The following OLA1 variants were observed in gnomAD, a reference collection of about 807,000 sequenced individuals.
OLA1 encodes Obg like ATPase 1.
In OLA1, 14 loss-of-function variants were observed where a neutral mutation model predicts 48.4. The observed-to-expected ratio is 0.29, with a 90% CI of 0.19 to 0.45. The LOEUF (loss-of-function observed/expected upper bound fraction) is 0.45. OLA1 is among the 20% of genes least tolerant of loss of function. OLA1 has a pLI of 1.00. For missense variants in OLA1, 325 were observed against 467.1 expected (o/e 0.70, Z 2.80); for synonymous variants, 127 against 150.4 (o/e 0.84, Z 1.14).
chr2:174,243,632 A>T (rs558926777), intron 2 of OLA1, among the ~76,000 whole-genome samples: 2 of 152,332 alleles, frequency 1.3e-5, no homozygotes, highest in South Asian at 4.1e-4. Flanking sequence ...GAACGAGACA[A>T]TCGGTACCTT....
intron 4 of OLA1, among the ~76,000 whole-genome samples, chr2:174,212,365 T>G (rs1308596139): frequency 1.3e-5 from 2 of 152,252 alleles, no homozygotes; most frequent in African/African-American, 4.8e-5. Context: ...ATAGGGCACT[T>G]GCCATGAATG....
Position 174,116,733 on chromosome 2 carries a change from T to C in OLA1, c.728+6447A>G, listed in dbSNP as rs531472687. Among the ~76,000 whole-genome samples, 11 of 152,296 alleles carry C rather than the reference T, an allele frequency of 7.2e-5. No individual in the cohort carries two copies. In the East Asian group the frequency reaches 1.9e-3, roughly 27 times the overall value. ...TTCTTTATGAATTCATTACACTTCA[T>C]TAAAATCATAAAATTCTAGCCCTGG... On this transcript the variant is annotated intron_variant, in intron 7 of 10. Transcript: ENST00000284719.
intron 5 of OLA1, among the ~76,000 whole-genome samples, chr2:174,136,650 C>T (rs1351702286): frequency 6.6e-6 from 1 of 151,886 alleles, no homozygotes; most frequent in African/African-American, 2.4e-5. Flanking sequence ...GATGTTTTGA[C>T]CTCTCATGAA....
At chr2:174,191,814 T>G (rs1285011369) in intron 4 of OLA1, among the ~76,000 whole-genome samples, 1 of 152,158 alleles carries the variant, frequency 6.6e-6, no homozygotes, top group Non-Finnish European at 1.5e-5. Flanking sequence ...GATCACACCG[T>G]GCATTATCTA....
intron 7 of OLA1, among the ~76,000 whole-genome samples, chr2:174,100,497 T>G (rs1053759709): frequency 6.6e-6 from 1 of 152,124 alleles, no homozygotes; most frequent in Non-Finnish European, 1.5e-5. Context: ...CTCAAATTCC[T>G]GGGCTTACCA....
chr2:174,137,290 C>T (rs1574501917), intron 5 of OLA1, among the ~76,000 whole-genome samples: 3 of 152,170 alleles, frequency 2.0e-5, no homozygotes, highest in African/African-American at 7.2e-5. Context: ...CAAGAGTGGG[C>T]TTAAAATATT....
chr2:174,171,470 T>C (rs34132656), intron 4 of OLA1, among the ~76,000 whole-genome samples: 80,898 of 151,804 alleles, frequency 0.53, 22,137 homozygotes, highest in East Asian at 0.94. Context: ...AGTAAGAATG[T>C]TAGAAAAGCT....
chr2:174,170,220 G>A lies in OLA1; in HGVS notation c.374-28220C>T, dbSNP rs536581992. ...TGCACTCCAGCCTGGGCTACAGAGC[G>A]AGACTCCGTCTCAAAAAGAAAGAAA... On this transcript the variant is annotated intron_variant, in intron 4 of 10. Transcript: ENST00000284719. Among the ~76,000 whole-genome samples, 10 of 152,156 alleles carry A rather than the reference G, an allele frequency of 6.6e-5. No individual in the cohort carries two copies. In the South Asian group the frequency reaches 8.3e-4, roughly 13 times the overall value.
Position 174,233,669 on chromosome 2 carries a change from G to A in OLA1, c.102-4218C>T, listed in dbSNP as rs114593322. Among the ~76,000 whole-genome samples, 809 of 152,242 alleles carry A rather than the reference G, an allele frequency of 5.3e-3. 4 individuals carry two copies. Among genetic ancestry groups the A allele is most frequent in the African/African-American group, 0.019 (781 of 41,554 alleles). Reference sequence around the variant, plus strand: ...GGATTATAGGCGTGAGCCACTGTGCGTGGCCATATATTATGTGTTTATTAC... The same window carrying A: ...GGATTATAGGCGTGAGCCACTGTGCATGGCCATATATTATGTGTTTATTAC... On this transcript the variant is annotated intron_variant, in intron 2 of 10. Transcript: ENST00000284719.
intron 7 of OLA1, among the ~76,000 whole-genome samples, chr2:174,098,523 T>C (rs1685312082): frequency 6.6e-6 from 1 of 152,030 alleles, no homozygotes; most frequent in South Asian, 2.1e-4. Flanking sequence ...AATACAAGAG[T>C]TAATTTAATT....
At chr2:174,097,420 T>C (rs1372762673) in intron 7 of OLA1, among the ~76,000 whole-genome samples, 1 of 152,210 alleles carries the variant, frequency 6.6e-6, no homozygotes, top group African/African-American at 2.4e-5. Flanking sequence ...AAAACTTTTT[T>C]AGGTTAAATT....
intron 7 of OLA1, among the ~76,000 whole-genome samples, chr2:174,114,338 C>G (rs1043529260): frequency 1.5e-5 from 1 of 68,368 alleles, no homozygotes; most frequent in African/African-American, 6.8e-5. Flanking sequence ...CAAGACTCCG[C>G]CTCAAAAAAA....
intron 10 of OLA1, among the ~76,000 whole-genome samples, chr2:174,077,442 G>C (rs1474720967): frequency 6.6e-6 from 1 of 151,994 alleles, no homozygotes; most frequent in East Asian, 1.9e-4. Context: ...TTGAATAAAG[G>C]AGCAGAGAGC....
At chr2:174,106,579 G>A (rs944831036) in intron 7 of OLA1, among the ~76,000 whole-genome samples, 3 of 152,188 alleles carry the variant, frequency 2.0e-5, no homozygotes, top group Admixed American at 6.5e-5. Flanking sequence ...TTGTGCTTTC[G>A]TATTAAAAAT....
At chr2:174,172,081 GAC>G (rs1330423610) in intron 4 of OLA1, 2 of 211,724 alleles carry the variant, frequency 9.4e-6, no homozygotes, top group Non-Finnish European at 2.0e-5. Flanking sequence ...CAACAGGAAT[GAC>G]ACCAAGTGAG....
chr2:174,100,753 T>G (rs1685374373), intron 7 of OLA1, among the ~76,000 whole-genome samples: 1 of 152,186 alleles, frequency 6.6e-6, no homozygotes, highest in Non-Finnish European at 1.5e-5. Flanking sequence ...TTTGAAAATT[T>G]TATATGCACA....
intron 7 of OLA1, among the ~76,000 whole-genome samples, chr2:174,114,445 A>AGTCATGT (rs1201495289): frequency 6.6e-6 from 1 of 151,746 alleles, no homozygotes; most frequent in East Asian, 1.9e-4. Flanking sequence ...AAAACTTAAA[A>AGTCATGT]GTCATGTTTG....
intron 3 of OLA1, among the ~76,000 whole-genome samples, chr2:174,224,698 T>C (rs1264884787): frequency 6.6e-6 from 1 of 152,184 alleles, no homozygotes; most frequent in Non-Finnish European, 1.5e-5. Flanking sequence ...ATCAGTCTTC[T>C]GGGAGAACTT....
chr2:174,206,595 T>C (rs967966292), intron 4 of OLA1, among the ~76,000 whole-genome samples: 1 of 132,086 alleles, frequency 7.6e-6, no homozygotes, highest in African/African-American at 2.9e-5. Flanking sequence ...CACCAATCAC[T>C]TAGATATAAG....
Sources: gnomAD v4.1 joint callset for allele counts (sites outside exome capture counted in the v4.1 genomes callset) on GRCh38, gnomAD v4.1.1 for gene constraint, MANE v1.5 for transcripts, NCBI Gene and HGNC (gene_info 2026-07-23, HGNC 2026-07-21) for gene names.